Variants in HTR2C observed in about 807,000 individuals in gnomAD.
HTR2C encodes the protein 5-hydroxytryptamine receptor 2C.
Under a neutral mutation model 21.0 loss-of-function variants are expected in HTR2C, and 5 were observed. That is an observed-to-expected ratio of 0.24 (90% CI 0.12 to 0.50). The LOEUF is 0.50. Ranked by LOEUF, HTR2C falls within the 20% of genes least tolerant of loss-of-function variation. The pLI, the probability that HTR2C is intolerant of heterozygous loss-of-function variation, is 0.98. For missense variants in HTR2C, 271 were observed against 371.2 expected (o/e 0.73, Z 2.22); for synonymous variants, 150 against 145.3 (o/e 1.03, Z -0.23).
rs1556448765 is a variant in HTR2C at position 114,805,742 on chromosome X, C to CT, written c.350-42261_350-42260insT. The stretch of plus-strand genomic sequence containing the variant: ...TACCATATATACACCATATATACAC[C>CT]ATATATACACCTATATATACACCAT... On this transcript the variant is annotated intron_variant, in intron 4 of 5. Transcript: ENST00000276198. Among the ~76,000 whole-genome samples the CT allele has an allele frequency of 1.9e-4, 16 of 82,797 alleles. 7 individuals are homozygous for CT. The highest frequency in any genetic ancestry group is 7.5e-4 in the African/African-American group (16 of 21,459). The allele number at this position is 82,797 out of a possible 115,157, so 71.9% of individuals were successfully genotyped here.
chrX:114,864,619 C>T (rs782498828), intron 5 of HTR2C, among the ~76,000 whole-genome samples: 1 of 111,316 alleles, frequency 9.0e-6, no homozygotes, highest in Non-Finnish European at 1.9e-5. Context: ...TTGTATTTAC[C>T]TCTACCAGTG....
intron 2 of HTR2C, among the ~76,000 whole-genome samples, chrX:114,668,318 C>T (rs1197310639): frequency 9.0e-6 from 1 of 111,688 alleles, no homozygotes. Flanking sequence ...ACACAATAGG[C>T]TTGAGGGCAC....
At chrX:114,776,030 T>C in intron 4 of HTR2C, 1 of 427,423 alleles carries the variant, frequency 2.3e-6, no homozygotes, top group Non-Finnish European at 4.1e-6. Context: ...ACTGATGTCT[T>C]TCTTATACTT....
chrX:114,854,917 C>A (rs1482370572), intron 5 of HTR2C, among the ~76,000 whole-genome samples: 1 of 111,525 alleles, frequency 9.0e-6, no homozygotes, highest in Admixed American at 9.6e-5. Flanking sequence ...ACAGACATGA[C>A]CAAACATTTT....
At chrX:114,759,605 T>C (rs375412075) in intron 4 of HTR2C, among the ~76,000 whole-genome samples, 1 of 111,868 alleles carries the variant, frequency 8.9e-6, no homozygotes, top group Non-Finnish European at 1.9e-5. Context: ...ATAATCCTTG[T>C]CCTCAATTTT....
chrX:114,639,433 A>G (rs1361123758), intron 2 of HTR2C: 1 of 113,188 alleles, frequency 8.8e-6, no homozygotes, highest in Non-Finnish European at 1.9e-5. Context: ...TTTTCAATCT[A>G]AAATCTAGGA....
intron 4 of HTR2C, among the ~76,000 whole-genome samples, chrX:114,834,895 G>C (rs868935294): frequency 5.5e-4 from 60 of 108,602 alleles, no homozygotes; most frequent in African/African-American, 1.9e-3. Flanking sequence ...TTTTAGGGCA[G>C]GACTGGTGGT....
chrX:114,642,100 A>G (rs1556406601), intron 2 of HTR2C, among the ~76,000 whole-genome samples: 2 of 112,159 alleles, frequency 1.8e-5, no homozygotes, highest in Admixed American at 9.5e-5. Flanking sequence ...GCTGCACAGT[A>G]TTCCATGGTG....
chrX:114,722,401 A>G (rs1556420892), intron 2 of HTR2C, among the ~76,000 whole-genome samples: 2 of 110,992 alleles, frequency 1.8e-5, no homozygotes, highest in Admixed American at 9.6e-5. Flanking sequence ...TTATCAGCTT[A>G]AGGAGATTTG....
intron 5 of HTR2C, among the ~76,000 whole-genome samples, chrX:114,876,224 T>C (rs1164499117): frequency 1.8e-5 from 2 of 110,211 alleles, no homozygotes; most frequent in African/African-American, 3.3e-5. Context: ...TGTTGCTGTA[T>C]AGAAATGCAA....
chrX:114,802,159 T>C (rs1036220663), intron 4 of HTR2C, among the ~76,000 whole-genome samples: 1 of 111,175 alleles, frequency 9.0e-6, no homozygotes, highest in African/African-American at 3.3e-5. Flanking sequence ...CACCGTAATT[T>C]TGGAATCAGC....
At chrX:114,845,615 T>C (rs2070867677) in intron 4 of HTR2C, among the ~76,000 whole-genome samples, 1 of 108,757 alleles carries the variant, frequency 9.2e-6, no homozygotes, top group Non-Finnish European at 1.9e-5. Context: ...TTGACAAATC[T>C]TTAGATAGAC....
intron 2 of HTR2C, among the ~76,000 whole-genome samples, chrX:114,626,388 C>CAAAAA (rs59357830): frequency 2.5e-5 from 2 of 78,439 alleles, no homozygotes; most frequent in Admixed American, 2.9e-4. Flanking sequence ...GACCCTGTCA[C>CAAAAA]AAAAAAAAAA....
chrX:114,697,301 C>A lies in HTR2C; in HGVS notation c.-79-29557C>A, dbSNP rs927924397. 8.9e-5 allele frequency among the ~76,000 whole-genome samples: 10 copies of A among 112,514 alleles called. No homozygotes were observed. In the East Asian group the frequency reaches 2.5e-3, roughly 28 times the overall value. On this transcript the variant is annotated intron_variant, in intron 2 of 5. Transcript: ENST00000276198. ...TTCCTTTTTCTCTTGTGCCACCAAT[C>A]TAGCAATGCATTGATTTGATCACTT...
At chrX:114,767,504 T>G (rs1055809346) in intron 4 of HTR2C, among the ~76,000 whole-genome samples, 24 of 110,389 alleles carry the variant, frequency 2.2e-4, no homozygotes, top group African/African-American at 7.5e-4. Flanking sequence ...CCCCATATTT[T>G]ACTTTAACCC....
At chrX:114,784,731 T>G (rs963339118) in intron 4 of HTR2C, among the ~76,000 whole-genome samples, 54 of 109,364 alleles carry the variant, frequency 4.9e-4, no homozygotes, top group African/African-American at 1.7e-3. Flanking sequence ...GCCATTCTCC[T>G]ACCTCAGCCT....
chrX:114,701,990 T>C (rs782062965), intron 2 of HTR2C, among the ~76,000 whole-genome samples: 196 of 108,979 alleles, frequency 1.8e-3, no homozygotes, highest in African/African-American at 6.2e-3. Flanking sequence ...TGAAATGAAG[T>C]GAGAAGGGAA....
At chrX:114,881,345 G>A (rs974439241) in intron 5 of HTR2C, among the ~76,000 whole-genome samples, 2 of 110,072 alleles carry the variant, frequency 1.8e-5, no homozygotes, top group African/African-American at 6.6e-5. Flanking sequence ...TTTTAATTTC[G>A]ATAAAGTCTT....
At chrX:114,644,937 T>G (rs1177056238) in intron 2 of HTR2C, among the ~76,000 whole-genome samples, 1 of 110,433 alleles carries the variant, frequency 9.1e-6, no homozygotes, top group Non-Finnish European at 1.9e-5. Context: ...CAACAGAGAA[T>G]GAGGGCTCAA....
Sources: gnomAD v4.1 joint callset for allele counts (sites outside exome capture counted in the v4.1 genomes callset) on GRCh38, gnomAD v4.1.1 for gene constraint, MANE v1.5 for transcripts, NCBI Gene and HGNC (gene_info 2026-07-23, HGNC 2026-07-21) for gene names.